ABCA7: variants seen among roughly 807,000 people sequenced by gnomAD.
ABCA7 encodes the protein phospholipid-transporting ATPase ABCA7.
Under a neutral mutation model 227.6 loss-of-function variants are expected in ABCA7, and 261 were observed. That is an observed-to-expected ratio of 1.15 (90% CI 1.04 to 1.27). ABCA7 has a LOEUF of 1.27. Among genes scored for constraint, ABCA7 ranks in the 50% most tolerant of loss-of-function variants. ABCA7 has a pLI of 0.00. For synonymous variants in ABCA7, 1,488 were observed against 1,279.7 expected (o/e 1.16, Z -3.47); for missense variants, 3,331 against 2,924.5 (o/e 1.14, Z -3.21).
chr19:1,064,777 CG>C (rs1298869148), intron 45 of ABCA7, 153 bp from the exon 46 acceptor site: 11 of 1,098,420 alleles, frequency 1.0e-5, no homozygotes, highest in Middle Eastern at 3.2e-4. Flanking sequence ...GCTACGCGGG[CG>C]GGGGGTGGCG....
intron 36 of ABCA7, 30 bp downstream of exon 36, chr19:1,058,089 T>G (rs1301928645): frequency 6.2e-7 from 1 of 1,613,850 alleles, no homozygotes; most frequent in African/African-American, 1.3e-5. Flanking sequence ...GGGCTTGGGC[T>G]GGGTTGGGTC....
At chr19:1,064,359 C>A in intron 45 of ABCA7, 106 bp downstream of exon 45, 1 of 1,243,714 alleles carries the variant, frequency 8.0e-7, no homozygotes, top group African/African-American at 1.5e-5. Context: ...TTGGCTCCAA[C>A]TGGAGAGATG....
Position 1,050,990 on chromosome 19 carries a change from C to T in ABCA7, c.2622C>T (p.Ser874=), listed in dbSNP as rs755727275. Reference sequence around the variant, plus strand: ...TCATCCTGGGCCACGACGTCCGCTCCAGCATGGCCGCCATCCGGCCCCACC... The same window carrying T: ...TCATCCTGGGCCACGACGTCCGCTCTAGCATGGCCGCCATCCGGCCCCACC... ...SAFILGHDVR[S]SMAAIRPHLG... The change falls in exon 19 of 47, where the codon TCC becomes TCT. Residue 874 remains serine, a synonymous_variant. Coordinates refer to ENST00000263094, the MANE Select transcript of ABCA7 (RefSeq NM_019112.4). 47 of 1,612,402 alleles carry T rather than the reference C, an allele frequency of 2.9e-5. No individual in the cohort carries two copies. The highest frequency in any genetic ancestry group is 3.9e-5 in the Non-Finnish European group (46 of 1,179,810).
chr19:1,054,240 G>A lies in ABCA7; in HGVS notation c.3625G>A (p.Gly1209Ser). 1 of 1,608,598 alleles carries A rather than the reference G, an allele frequency of 6.2e-7. No homozygotes were observed. The highest frequency in any genetic ancestry group is 8.5e-7 in the Non-Finnish European group (1 of 1,177,822). ...TDQGSGPDAV[G>S]RVQGWALTRQ... ...CCAGGGCTCTGGGCCAGACGCCGTG[G>A]GCCGGGTACAGGGCTGGGCACTGAC... The change falls in exon 27 of 47, where the codon GGC (glycine) becomes AGC (serine). Residue 1209 changes from glycine to serine, a missense_variant. Transcript: ENST00000263094. This position sits in a 1 kb window ranked among gnomAD's most constrained non-coding sequence, Gnocchi z 4.8.
At chr19:1,040,865 G>A (rs1688604882) in intron 1 of ABCA7, among the ~76,000 whole-genome samples, 1 of 152,122 alleles carries the variant, frequency 6.6e-6, no homozygotes, top group South Asian at 2.1e-4. Context: ...ACTTCCCCTG[G>A]GCGTGTGAAA....
At position 1,056,454 on chromosome 19, in the gene ABCA7, A is replaced by G. The variant is rs1157263934; in HGVS notation, c.4541A>G (p.Asn1514Ser). The G allele has an allele frequency of 6.2e-7, 1 of 1,613,270 alleles. No individual in the cohort carries two copies. The highest frequency in any genetic ancestry group is 1.1e-5 in the South Asian group (1 of 91,052). ...ARHAHSITTL[N>S]HPLNLTKEQL... ...CACGCCCACAGCATCACCACACTCA[A>G]CCACCCCTTGAACCTCACCAAGGAG... is the stretch of plus-strand genomic sequence containing the variant. The change falls in exon 33 of 47, where the codon AAC becomes AGC. Residue 1514 changes from asparagine (N) to serine (S), a missense_variant. Physicochemically the swap from Asn to Ser is conservative, Grantham distance 46. Coordinates refer to ENST00000263094, the MANE Select transcript of ABCA7 (RefSeq NM_019112.4). This position sits in a 1 kb window ranked among gnomAD's most constrained non-coding sequence, Gnocchi z 4.3.
chr19:1,047,721 G>A, intron 16 of ABCA7, 67 bp downstream of exon 16: 9 of 1,473,426 alleles, frequency 6.1e-6, no homozygotes, highest in East Asian at 2.5e-5. Flanking sequence ...AGCTAGGGGT[G>A]TGGCCTCCAG....
Position 1,047,620 on chromosome 19 carries a change from C to A in ABCA7, c.2235C>A (p.Gly745=). ...GLLLLDAALY[G]LATWYLEAVC... ...TGCTGCTGGACGCGGCGCTCTACGGCCTCGCCACCTGGTACCTGGAAGCTG... is the reference window on the plus strand; with the variant it reads ...TGCTGCTGGACGCGGCGCTCTACGGACTCGCCACCTGGTACCTGGAAGCTG... Residue 745 remains glycine (G), a synonymous_variant, in exon 16 of 47, where the codon GGC becomes GGA. Transcript: ENST00000263094. 1 of 1,600,274 alleles carries A rather than the reference C, an allele frequency of 6.2e-7. No homozygotes were observed.
Position 1,053,481 on chromosome 19 carries a change from G to T in ABCA7, c.3373G>T (p.Ala1125Ser), listed in dbSNP as rs1599666699. Residue 1125 changes from alanine (A) to serine (S), a missense_variant, in exon 24 of 47, where the codon GCG (alanine) becomes TCG (serine). Ala to Ser is a moderately conservative substitution (Grantham distance 99). Coordinates refer to ENST00000263094, the MANE Select transcript of ABCA7 (RefSeq NM_019112.4). Reference protein sequence around the residue: ...TLFRELDTRLAELRLTGYGIS... With the variant: ...TLFRELDTRLSELRLTGYGIS... ...CTTCCGAGAGCTAGACACGCGGCTGGCGGAGCTGAGGCTCACTGGCTACGG... is the reference window on the plus strand; with the variant it reads ...CTTCCGAGAGCTAGACACGCGGCTGTCGGAGCTGAGGCTCACTGGCTACGG... 1.3e-6 allele frequency: 2 copies of T among 1,588,046 alleles called. No homozygotes were observed. Among genetic ancestry groups the T allele is most frequent in the Non-Finnish European group, 8.5e-7 (1 of 1,170,454 alleles).
Position 1,057,046 on chromosome 19 carries a change from C to T in ABCA7, c.4726C>T (p.Pro1576Ser), listed in dbSNP as rs1267799695. 8 of 1,613,632 alleles carry T rather than the reference C, an allele frequency of 5.0e-6. No individual in the cohort carries two copies. The highest frequency in any genetic ancestry group is 5.9e-6 in the Non-Finnish European group (7 of 1,180,008). Residue 1576 changes from proline to serine, a missense_variant, in exon 34 of 47, where the codon CCC becomes TCC. Pro to Ser is a moderately conservative substitution (Grantham distance 74, BLOSUM62 -1). Transcript: ENST00000263094. The stretch of plus-strand genomic sequence containing the variant: ...CCTGCAGCTCATGGGGGGCCTGTCC[C>T]CCACCCTCTACTGGCTTGGCAACTT... Reference protein sequence around the residue: ...KHLQLMGGLSPTLYWLGNFLW... With the variant: ...KHLQLMGGLSSTLYWLGNFLW...
chr19:1,048,774 A>G (rs1045340089), intron 16 of ABCA7, 121 bp from the exon 17 acceptor site: 3 of 495,990 alleles, frequency 6.0e-6, no homozygotes, highest in Admixed American at 4.3e-5. Context: ...GTGCCACTGC[A>G]CTCCAGCCTG....
At chr19:1,059,884 A>T (rs1333036965) in intron 40 of ABCA7, among the ~76,000 whole-genome samples, 5 of 152,176 alleles carry the variant, frequency 3.3e-5, no homozygotes, top group Non-Finnish European at 7.3e-5. Flanking sequence ...TTGAGCCAAC[A>T]AAACCTCATT....
At position 1,056,853 on chromosome 19, in the gene ABCA7, C is replaced by T. The variant is rs758584964; in HGVS notation, c.4587-54C>T. The T allele has an allele frequency of 1.1e-5, 17 of 1,572,492 alleles. No individual in the cohort carries two copies. Among genetic ancestry groups the T allele is most frequent in the Non-Finnish European group, 1.3e-5 (15 of 1,152,334 alleles). Reference sequence around the variant, plus strand: ...CATCAATGGCGTGTTCAGCTCTGCTCTGAGCAACCCATGCACCCTCACCCT... The same window carrying T: ...CATCAATGGCGTGTTCAGCTCTGCTTTGAGCAACCCATGCACCCTCACCCT... On this transcript the variant is annotated intron_variant, in intron 33 of 46. Transcript: ENST00000263094. The surrounding 1 kb of genome is among the most constrained non-coding windows in gnomAD (Gnocchi z 4.3).
Position 1,050,940 on chromosome 19 carries a change from T to C in ABCA7, c.2572T>C (p.Phe858Leu). Residue 858 changes from phenylalanine (F) to leucine (L), a missense_variant, in exon 19 of 47, where the codon TTC becomes CTC. Phe to Leu is a conservative substitution (Grantham distance 22, BLOSUM62 0). Transcript: ENST00000263094. ...CCACAGGTCCATCTTGAGTGGCCTCTTCCCACCCAGTGGTGGCTCTGCCTT... is the reference window on the plus strand; with the variant it reads ...CCACAGGTCCATCTTGAGTGGCCTCCTCCCACCCAGTGGTGGCTCTGCCTT... ...TTTLSILSGL[F>L]PPSGGSAFIL... 6.2e-7 allele frequency: 1 copy of C among 1,609,960 alleles called. No homozygotes were observed. Among genetic ancestry groups the C allele is most frequent in the Non-Finnish European group, 8.5e-7 (1 of 1,178,298 alleles).
intron 7 of ABCA7, 57 bp downstream of exon 7, chr19:1,042,883 C>T (rs955402649): frequency 2.7e-5 from 41 of 1,525,568 alleles, no homozygotes; most frequent in Non-Finnish European, 3.3e-5. Flanking sequence ...AGGCAGCCTG[C>T]GCCGGGAGGG....
Position 1,053,541 on chromosome 19 carries a change from C to T in ABCA7, c.3423+10C>T. 6.4e-7 allele frequency: 1 copy of T among 1,556,632 alleles called. No homozygotes were observed. Among genetic ancestry groups the T allele is most frequent in the South Asian group, 1.2e-5 (1 of 85,880 alleles). On this transcript the variant is annotated intron_variant, in intron 24 of 46. Coordinates refer to ENST00000263094, the MANE Select transcript of ABCA7 (RefSeq NM_019112.4). ...CACCAGCCTCGAGGAGGTGTGAGGCCTGGGTGGTGGTGAGGTGGGGCCAGG... is the reference window on the plus strand; with the variant it reads ...CACCAGCCTCGAGGAGGTGTGAGGCTTGGGTGGTGGTGAGGTGGGGCCAGG...
chr19:1,044,471 C>T lies in ABCA7; in HGVS notation c.1048-106C>T, dbSNP rs1377308951. On this transcript the variant is annotated intron_variant, in intron 10 of 46. Transcript: ENST00000263094. ...CCATGTTGGCCAGGCTGGTCTCGAA[C>T]TCCTGACCTCAGGTGATCCACCCGC... 3.6e-6 allele frequency: 5 copies of T among 1,372,954 alleles called. No individual in the cohort carries two copies. In the Admixed American group the frequency reaches 8.9e-5, roughly 24 times the overall value. The allele number at this position is 1,372,954 out of a possible 1,614,324, so 85.0% of individuals were successfully genotyped here.
Position 1,044,996 on chromosome 19 carries a change from C to T in ABCA7, c.1216-6C>T, listed in dbSNP as rs1018582403. ...AGCGCCTAGGACTCACCCCCGCATC[C>T]CACAGTGCCTGTCCTTGGACAAGCT... On this transcript the variant is annotated splice_region_variant and splice_polypyrimidine_tract_variant and intron_variant, in intron 11 of 46. Coordinates refer to ENST00000263094, the MANE Select transcript of ABCA7 (RefSeq NM_019112.4). The T allele has an allele frequency of 1.2e-6, 2 of 1,612,198 alleles. No individual in the cohort carries two copies. The highest frequency in any genetic ancestry group is 2.7e-5 in the African/African-American group (2 of 74,890).
At position 1,056,378 on chromosome 19, in the gene ABCA7, C is replaced by G; in HGVS notation, c.4465C>G (p.Arg1489Gly). 4.3e-6 allele frequency: 7 copies of G among 1,613,388 alleles called. No homozygotes were observed. The highest frequency in any genetic ancestry group is 5.9e-6 in the Non-Finnish European group (7 of 1,179,966). The change falls in exon 33 of 47, where the codon CGA becomes GGA. Residue 1489 changes from arginine (R) to glycine (G), a missense_variant. Coordinates refer to ENST00000263094, the MANE Select transcript of ABCA7 (RefSeq NM_019112.4). This position sits in a 1 kb window ranked among gnomAD's most constrained non-coding sequence, Gnocchi z 4.3. ...GCACTCCATGGTGGCCTTTGTCAACCGAGCCAGCAACGCAATCCTCCGTGC... is the reference window on the plus strand; with the variant it reads ...GCACTCCATGGTGGCCTTTGTCAACGGAGCCAGCAACGCAATCCTCCGTGC... The part of the protein sequence containing the change: ...GWHSMVAFVN[R>G]ASNAILRAHL...
Sources: allele counts gnomAD v4.1 joint callset (sites outside exome capture counted in the v4.1 genomes callset), GRCh38; gene constraint gnomAD v4.1.1; non-coding constraint Gnocchi (gnomAD v3.1); transcripts MANE v1.5; gene names NCBI Gene and HGNC (gene_info 2026-07-23, HGNC 2026-07-21).